Variants in PCDH9 observed in about 807,000 individuals in gnomAD.
PCDH9 encodes protocadherin 9, also known as protocadherin-9.
Under a neutral mutation model 70.6 loss-of-function variants are expected in PCDH9, and 24 were observed. The ratio of observed to expected loss-of-function variants is 0.34; its 90% CI spans 0.25 to 0.48. The LOEUF (loss-of-function observed/expected upper bound fraction) is 0.48. Ranked by LOEUF, PCDH9 falls within the 20% of genes least tolerant of loss-of-function variation. PCDH9 has a pLI of 0.99. For synonymous variants in PCDH9, 562 were observed against 558.5 expected (o/e 1.01, Z -0.09); for missense variants, 1,281 against 1,503.6 (o/e 0.85, Z 2.45).
chr13:66,789,895 T>C (rs1026146803), intron 3 of PCDH9, among the ~76,000 whole-genome samples: 9 of 152,172 alleles, frequency 5.9e-5, no homozygotes, highest in African/African-American at 1.9e-4. Context: ...CAAACTGTTC[T>C]ATTCTTCAGC....
intron 2 of PCDH9, among the ~76,000 whole-genome samples, chr13:67,125,343 T>C (rs2086955971): frequency 6.6e-6 from 1 of 152,110 alleles, no homozygotes; most frequent in Admixed American, 6.6e-5. Flanking sequence ...ATAAAGGTTA[T>C]TAAGGAACAA....
chr13:67,132,474 T>C (rs1298724205), intron 2 of PCDH9, among the ~76,000 whole-genome samples: 3 of 152,180 alleles, frequency 2.0e-5, no homozygotes, highest in Non-Finnish European at 2.9e-5. Context: ...CTAGTGTATT[T>C]ACCAACCGAA....
At chr13:67,194,200 G>A (rs957456940) in intron 2 of PCDH9, among the ~76,000 whole-genome samples, 4 of 152,130 alleles carry the variant, frequency 2.6e-5, no homozygotes, top group South Asian at 2.1e-4. Flanking sequence ...ATATTGACTT[G>A]TTGATTACTG....
At chr13:67,001,188 CATAA>C (rs759291257) in intron 2 of PCDH9, among the ~76,000 whole-genome samples, 3 of 152,102 alleles carry the variant, frequency 2.0e-5, no homozygotes, top group Non-Finnish European at 2.9e-5. Flanking sequence ...TAACAACATA[CATAA>C]ATAAAAGTGG....
intron 2 of PCDH9, among the ~76,000 whole-genome samples, chr13:67,071,743 G>A (rs2085767326): frequency 6.6e-6 from 1 of 151,806 alleles, no homozygotes; most frequent in Admixed American, 6.6e-5. Context: ...TAAAAAATTA[G>A]CTGGGAGTGG....
intron 4 of PCDH9, among the ~76,000 whole-genome samples, chr13:66,387,358 T>C (rs1956947333): frequency 6.6e-6 from 1 of 152,080 alleles, no homozygotes; most frequent in Non-Finnish European, 1.5e-5. Flanking sequence ...CAAGTAGGTT[T>C]ACTCTCTGAT....
intron 2 of PCDH9, chr13:66,996,302 T>G (rs1166266813): frequency 2.0e-5 from 3 of 152,138 alleles, no homozygotes; most frequent in African/African-American, 7.2e-5. Flanking sequence ...ACAAGTAATA[T>G]TCAATACACA....
chr13:66,928,093 G>A (rs1566298742), intron 2 of PCDH9, among the ~76,000 whole-genome samples: 2 of 152,036 alleles, frequency 1.3e-5, no homozygotes, highest in African/African-American at 4.8e-5. Flanking sequence ...AGATAATCAG[G>A]TGGAAAGAAC....
intron 3 of PCDH9, among the ~76,000 whole-genome samples, chr13:66,693,187 A>G (rs191136352): frequency 4.1e-4 from 62 of 152,194 alleles, no homozygotes; most frequent in African/African-American, 1.3e-3. Context: ...CTTCATCTAC[A>G]ATTGGAATGG....
At chr13:66,996,774 T>C (rs143006386) in intron 2 of PCDH9, among the ~76,000 whole-genome samples, 136 of 152,360 alleles carry the variant, frequency 8.9e-4, no homozygotes, top group African/African-American at 3.1e-3. Context: ...AGTAAGTGTC[T>C]GGTTTCTTGC....
intron 4 of PCDH9, among the ~76,000 whole-genome samples, chr13:66,555,690 G>GCTGAATGAAATTATTTTCTGACTCTTAT (rs148138190): frequency 0.26 from 38,404 of 150,234 alleles, 5,108 homozygotes; most frequent in East Asian, 0.33. Flanking sequence ...CAATATATGA[G>GCTGAATGAAATTATTTTCTGACTCTTAT]CTGAATGAAA....
chr13:66,625,434 GT>G (rs1255063788), intron 4 of PCDH9, among the ~76,000 whole-genome samples: 2 of 152,132 alleles, frequency 1.3e-5, no homozygotes, highest in Admixed American at 6.5e-5. Flanking sequence ...CTTCACATAT[GT>G]TCTTTAAAAC....
At chr13:67,162,200 G>A (rs2087981889) in intron 2 of PCDH9, among the ~76,000 whole-genome samples, 1 of 152,094 alleles carries the variant, frequency 6.6e-6, no homozygotes, top group African/African-American at 2.4e-5. Context: ...TAATGTGCAG[G>A]TACACACAAC....
At chr13:66,851,923 C>A (rs1474767847) in intron 3 of PCDH9, among the ~76,000 whole-genome samples, 2 of 152,076 alleles carry the variant, frequency 1.3e-5, no homozygotes, top group Non-Finnish European at 2.9e-5. Flanking sequence ...TAAAGTTTCC[C>A]TTCCTACCTT....
chr13:66,678,574 A>G (rs1477703055), intron 3 of PCDH9, among the ~76,000 whole-genome samples: 2 of 152,052 alleles, frequency 1.3e-5, no homozygotes, highest in Non-Finnish European at 2.9e-5. Context: ...CTGAGTAACT[A>G]AATAATGGTT....
intron 3 of PCDH9, among the ~76,000 whole-genome samples, chr13:66,848,567 C>T (rs2081252642): frequency 6.6e-6 from 1 of 152,146 alleles, no homozygotes; most frequent in South Asian, 2.1e-4. Context: ...CAACCCAAAT[C>T]TTATCATCAG....
At chr13:66,678,424 T>C (rs1159392502) in intron 3 of PCDH9, among the ~76,000 whole-genome samples, 1 of 152,066 alleles carries the variant, frequency 6.6e-6, no homozygotes, top group African/African-American at 2.4e-5. Context: ...CTTCCAAATG[T>C]AGTACTAATT....
chr13:66,503,378 G>T (rs1406396525), intron 4 of PCDH9, among the ~76,000 whole-genome samples: 1 of 152,096 alleles, frequency 6.6e-6, no homozygotes, highest in Non-Finnish European at 1.5e-5. Flanking sequence ...TGATTTAGTA[G>T]ATCTTTATTT....
chr13:67,114,579 T>C (rs1242654472), intron 2 of PCDH9, among the ~76,000 whole-genome samples: 1 of 152,216 alleles, frequency 6.6e-6, no homozygotes, highest in South Asian at 2.1e-4. Context: ...CAAACACCTT[T>C]ACACCAATAT....
Sources: gnomAD v4.1 joint callset for allele counts (sites outside exome capture counted in the v4.1 genomes callset) on GRCh38, gnomAD v4.1.1 for gene constraint, MANE v1.5 for transcripts, NCBI Gene and HGNC (gene_info 2026-07-23, HGNC 2026-07-21) for gene names.